Variants in DENND1A observed in about 807,000 individuals in gnomAD.
The protein encoded by DENND1A is DENN domain-containing protein 1A.
In DENND1A, 51 loss-of-function variants were observed where a neutral mutation model predicts 113.7. The ratio of observed to expected loss-of-function variants is 0.45; its 90% confidence interval spans 0.36 to 0.57. DENND1A has a LOEUF of 0.57. DENND1A is among the 20% of genes least tolerant of loss of function. DENND1A has a pLI of 0.00. For missense variants in DENND1A, 1,258 were observed against 1,395.9 expected (o/e 0.90, Z 1.57); for synonymous variants, 565 against 570.8 (o/e 0.99, Z 0.14).
chr9:123,730,405 C>T (rs1413719409), intron 5 of DENND1A, among the ~76,000 whole-genome samples: 1 of 151,612 alleles, frequency 6.6e-6, no homozygotes, highest in East Asian at 1.9e-4. Context: ...CTTAAATTTA[C>T]AAGAAAAAAA....
chr9:123,773,778 T>C (rs143949720), intron 3 of DENND1A, among the ~76,000 whole-genome samples: 1 of 152,218 alleles, frequency 6.6e-6, no homozygotes, highest in East Asian at 1.9e-4. Context: ...ATCTGAAAGA[T>C]AAAAGTGCAG....
chr9:123,574,009 C>T (rs1435791704), intron 12 of DENND1A, among the ~76,000 whole-genome samples: 1 of 150,152 alleles, frequency 6.7e-6, no homozygotes, highest in Non-Finnish European at 1.5e-5. Context: ...TTATTATTTT[C>T]CTTTTCAGTT....
chr9:123,900,343 C>T (rs1257544105), intron 1 of DENND1A, among the ~76,000 whole-genome samples: 1 of 152,200 alleles, frequency 6.6e-6, no homozygotes, highest in Non-Finnish European at 1.5e-5. Context: ...CAGTGCAAGT[C>T]ACTCAAGGTT....
intron 13 of DENND1A, among the ~76,000 whole-genome samples, chr9:123,556,897 T>G (rs909749815): frequency 1.3e-5 from 2 of 152,232 alleles, no homozygotes; most frequent in African/African-American, 4.8e-5. Flanking sequence ...AGAGAAGACC[T>G]GCTGTCTTCA....
intron 13 of DENND1A, among the ~76,000 whole-genome samples, chr9:123,515,227 T>C (rs1041664359): frequency 1.3e-5 from 2 of 152,366 alleles, no homozygotes; most frequent in Non-Finnish European, 2.9e-5. Flanking sequence ...GGGAAAACTG[T>C]ATGTAGATTA....
chr9:123,888,059 C>G (rs1849358561), intron 1 of DENND1A, among the ~76,000 whole-genome samples: 1 of 152,184 alleles, frequency 6.6e-6, no homozygotes, highest in Non-Finnish European at 1.5e-5. Context: ...ATGAGCACAC[C>G]TAATTCCCAG....
At chr9:123,518,133 C>T (rs183586327) in intron 13 of DENND1A, among the ~76,000 whole-genome samples, 30 of 152,194 alleles carry the variant, frequency 2.0e-4, no homozygotes, top group Middle Eastern at 3.4e-3. Flanking sequence ...TTCACCTACA[C>T]GGGGTAGATT....
intron 8 of DENND1A, among the ~76,000 whole-genome samples, chr9:123,666,073 A>G (rs1294736454): frequency 6.6e-6 from 1 of 152,232 alleles, no homozygotes; most frequent in East Asian, 1.9e-4. Context: ...GTAATGGGGA[A>G]TTGCTTAATG....
intron 12 of DENND1A, among the ~76,000 whole-genome samples, chr9:123,561,649 G>A (rs964023515): frequency 3.3e-5 from 5 of 152,060 alleles, no homozygotes; most frequent in African/African-American, 1.2e-4. Context: ...ATTCATCAGG[G>A]GTAATTTGGG....
At chr9:123,674,554 C>T (rs2063949751) in intron 6 of DENND1A, among the ~76,000 whole-genome samples, 1 of 152,168 alleles carries the variant, frequency 6.6e-6, no homozygotes, top group Non-Finnish European at 1.5e-5. Context: ...CAATTACAGG[C>T]AGATTTCCTA....
At chr9:123,595,381 G>A (rs2059638386) in intron 11 of DENND1A, among the ~76,000 whole-genome samples, 2 of 152,276 alleles carry the variant, frequency 1.3e-5, no homozygotes, top group Middle Eastern at 3.4e-3. Context: ...GGTACATCAC[G>A]TATGGAGCCG....
rs1160130484 is a variant in DENND1A at position 123,674,340 on chromosome 9, T to TCA, written c.372+2379_372+2380insTG. 1.0e-3 allele frequency among the ~76,000 whole-genome samples: 133 copies of TCA among 127,788 alleles called. No individual in the cohort carries two copies. The Middle Eastern group carries it at 0.011, about 11-fold the overall frequency. The allele number at this position is 127,788 out of a possible 152,430, so 83.8% of individuals were successfully genotyped here. A position where few individuals can be genotyped will look rare whatever the true frequency, so the allele number is the denominator to read the frequency against. On this transcript the variant is annotated intron_variant, in intron 6 of 23. Coordinates refer to ENST00000394215, the MANE Select transcript of DENND1A (RefSeq NM_001352964.2). ...CTCTCTGTCTCTGTCTCTGTCTCTC[T>TCA]CTCACACACACACACACACACACAC...
chr9:123,381,404 G>T lies in DENND1A; in HGVS notation c.*28C>A, dbSNP rs775361470. On this transcript the variant is annotated 3_prime_UTR_variant, in exon 24 of 24. Coordinates refer to ENST00000394215, the MANE Select transcript of DENND1A (RefSeq NM_001352964.2). The surrounding 1 kb of genome is among the most constrained non-coding windows in gnomAD (Gnocchi z 4.7). The stretch of plus-strand genomic sequence containing the variant: ...AGCAGTGGACGGACCCTCGGGCCTC[G>T]GTGCATCCCCCACCCTCAGGGCCCG... The T allele has an allele frequency of 3.7e-6, 6 of 1,605,690 alleles. No homozygotes were observed. The South Asian group carries it at 6.6e-5, about 18-fold the overall frequency.
chr9:123,477,353 C>A (rs2133576515), intron 13 of DENND1A, among the ~76,000 whole-genome samples: 1 of 152,134 alleles, frequency 6.6e-6, no homozygotes, highest in Middle Eastern at 3.4e-3. Context: ...GAGTTTGAGA[C>A]CAACCTGGGC....
chr9:123,645,418 C>CCT (rs2062264236), intron 9 of DENND1A, among the ~76,000 whole-genome samples: 1 of 152,142 alleles, frequency 6.6e-6, no homozygotes, highest in Admixed American at 6.5e-5. Context: ...TGCATATCCC[C>CCT]CTCCGCACCA....
rs551679554 is a variant in DENND1A at position 123,558,889 on chromosome 9, G to A, written c.868-1194C>T. Among the ~76,000 whole-genome samples, 318 of 152,306 alleles carry A rather than the reference G, an allele frequency of 2.1e-3. 3 individuals carry two copies. The highest frequency in any genetic ancestry group is 3.4e-3 in the Non-Finnish European group (234 of 68,032). On this transcript the variant is annotated intron_variant, in intron 12 of 23. Coordinates refer to ENST00000394215, the MANE Select transcript of DENND1A (RefSeq NM_001352964.2). ...TCCTATGTACCGAGGACTATGTTAG[G>A]TGTTGAGAATGCAAGGGATACAATG...
At chr9:123,406,037 C>T (rs574014629) in intron 20 of DENND1A, among the ~76,000 whole-genome samples, 1 of 152,174 alleles carries the variant, frequency 6.6e-6, no homozygotes, top group South Asian at 2.1e-4. Flanking sequence ...GCACACACTC[C>T]ACTTCCTGCC....
chr9:123,657,331 T>C (rs2063002832), intron 8 of DENND1A, among the ~76,000 whole-genome samples: 1 of 146,218 alleles, frequency 6.8e-6, no homozygotes, highest in Admixed American at 7.0e-5. Context: ...CCTGCACCAA[T>C]CCAGGTGGCT....
At chr9:123,637,952 C>T (rs36084428) in intron 9 of DENND1A, among the ~76,000 whole-genome samples, 1,416 of 20,020 alleles carry the variant, frequency 0.071, 27 homozygotes, top group African/African-American at 0.14. Flanking sequence ...CACACACACG[C>T]GCACACACAC....
Sources: allele counts gnomAD v4.1 joint callset (sites outside exome capture counted in the v4.1 genomes callset), GRCh38; gene constraint gnomAD v4.1.1; non-coding constraint Gnocchi (gnomAD v3.1); transcripts MANE v1.5; gene names NCBI Gene and HGNC (gene_info 2026-07-23, HGNC 2026-07-21).